Variants in RBFOX3 observed in about 807,000 individuals in gnomAD.
RBFOX3 encodes RNA binding protein fox-1 homolog 3.
RBFOX3 carries 17 observed loss-of-function variants against 48.7 expected under a neutral mutation model. The ratio of observed to expected loss-of-function variants is 0.35; its 90% CI spans 0.24 to 0.52. The LOEUF is 0.52. RBFOX3 is among the 20% of genes least tolerant of loss of function. The pLI is 0.94. For synonymous variants in RBFOX3, 212 were observed against 209.5 expected, an observed-to-expected ratio of 1.01 and a Z score of -0.10; for missense variants, 382 against 497.5, an observed-to-expected ratio of 0.77 and a Z score of 2.21.
chr17:79,216,433 G>T (rs890070992), intron 4 of RBFOX3, among the ~76,000 whole-genome samples: 7 of 152,154 alleles, frequency 4.6e-5, no homozygotes, highest in Non-Finnish European at 7.4e-5. Flanking sequence ...GAGATGGACT[G>T]GGGGGCAGGC....
At chr17:79,422,990 G>A (rs545380866) in intron 2 of RBFOX3, among the ~76,000 whole-genome samples, 2 of 152,258 alleles carry the variant, frequency 1.3e-5, no homozygotes, top group African/African-American at 2.4e-5. Flanking sequence ...GGGAGAAGGC[G>A]GCATCTACAC....
intron 2 of RBFOX3, among the ~76,000 whole-genome samples, chr17:79,351,487 C>G (rs993830637): frequency 4.6e-5 from 7 of 152,210 alleles, no homozygotes; most frequent in Non-Finnish European, 1.0e-4. Flanking sequence ...GCAGCCTCCA[C>G]CTCCCAGCTT....
chr17:79,557,884 G>C lies in RBFOX3; in HGVS notation c.-320+52942C>G, dbSNP rs1046634844. On this transcript the variant is annotated intron_variant, in intron 1 of 14. Coordinates refer to ENST00000693108, the MANE Select transcript of RBFOX3 (RefSeq NM_001350451.2). ...CGAGCAAAACCTGCCGAGGACGCAGGGGGTGGCGCTGCGGTTGTTTGCTGG... is the reference window on the plus strand; with the variant it reads ...CGAGCAAAACCTGCCGAGGACGCAGCGGGTGGCGCTGCGGTTGTTTGCTGG... 2.6e-5 allele frequency among the ~76,000 whole-genome samples: 4 copies of C among 152,356 alleles called. No homozygotes were observed. The South Asian group carries it at 8.3e-4, about 32-fold the overall frequency.
intron 2 of RBFOX3, among the ~76,000 whole-genome samples, chr17:79,450,359 G>T (rs1387341104): frequency 6.6e-6 from 1 of 152,110 alleles, no homozygotes; most frequent in Non-Finnish European, 1.5e-5. Context: ...AATAAAACGG[G>T]GAAAAAACAC....
chr17:79,649,748 T>G, the RBFOX3 span, among the ~76,000 whole-genome samples: 32 of 151,782 alleles, frequency 2.1e-4, no homozygotes, highest in South Asian at 6.5e-3. Context: ...TTTTAAGAGG[T>G]TTAATTGGCT....
At chr17:79,340,985 G>T (rs972158929) in intron 2 of RBFOX3, among the ~76,000 whole-genome samples, 1 of 152,246 alleles carries the variant, frequency 6.6e-6, no homozygotes, top group Non-Finnish European at 1.5e-5. Flanking sequence ...ACACCTGCAA[G>T]TCAAGCTCTG....
At chr17:79,108,202 G>C (rs2146720663) in intron 5 of RBFOX3, among the ~76,000 whole-genome samples, 1 of 152,340 alleles carries the variant, frequency 6.6e-6, no homozygotes, top group African/African-American at 2.4e-5. Context: ...GCCGAAGGTA[G>C]GAGGGTCTTG....
At chr17:79,146,089 G>T (rs1297387348) in intron 4 of RBFOX3, among the ~76,000 whole-genome samples, 1 of 152,112 alleles carries the variant, frequency 6.6e-6, no homozygotes, top group Non-Finnish European at 1.5e-5. Context: ...ACAGGAGGTG[G>T]AGCTCAGGTG....
intron 2 of RBFOX3, among the ~76,000 whole-genome samples, chr17:79,353,914 C>T (rs2084451645): frequency 6.6e-6 from 1 of 152,216 alleles, no homozygotes; most frequent in Non-Finnish European, 1.5e-5. Flanking sequence ...GCGTTACCCA[C>T]TTGACCATCG....
At position 79,090,603 on chromosome 17, in the gene RBFOX3, G is replaced by T. The variant is rs1285871143; in HGVS notation, c.*280C>A. ...CCCCTTCCCCTCCAACTCCCCCACT[G>T]CCTGAGACGGAGGGGCGTGTTCCCA... On this transcript the variant is annotated 3_prime_UTR_variant, in exon 15 of 15. Coordinates refer to ENST00000693108, the MANE Select transcript of RBFOX3 (RefSeq NM_001350451.2). 6.6e-6 allele frequency: 3 copies of T among 455,322 alleles called. No individual in the cohort carries two copies. The highest frequency in any genetic ancestry group is 7.9e-5 in the Admixed American group (2 of 25,442). 28.2% of individuals were successfully genotyped at this position (455,322 alleles called of 1,614,324 possible). A position where few individuals can be genotyped will look rare whatever the true frequency, so the allele number is the denominator to read the frequency against.
chr17:79,203,248 T>C (rs184742526), intron 4 of RBFOX3, among the ~76,000 whole-genome samples: 297 of 143,356 alleles, frequency 2.1e-3, no homozygotes, highest in African/African-American at 7.1e-3. Context: ...AGACCCTCAC[T>C]GGCAGAGGAT....
intron 3 of RBFOX3, among the ~76,000 whole-genome samples, chr17:79,250,862 C>G (rs1013078185): frequency 2.1e-5 from 3 of 144,360 alleles, no homozygotes; most frequent in Admixed American, 7.1e-5. Flanking sequence ...GAGTTTCGCT[C>G]TGCAGTACAG....
At chr17:79,531,616 C>T (rs2087789662) in intron 1 of RBFOX3, among the ~76,000 whole-genome samples, 1 of 152,196 alleles carries the variant, frequency 6.6e-6, no homozygotes, top group African/African-American at 2.4e-5. Flanking sequence ...TGATGGGCCC[C>T]TCTAAGGCCG....
intron 1 of RBFOX3, among the ~76,000 whole-genome samples, chr17:79,609,175 C>G (rs1341359181): frequency 4.6e-5 from 7 of 152,270 alleles, no homozygotes; most frequent in African/African-American, 1.7e-4. Context: ...CAGGTTCTGC[C>G]GCAATGTTTA....
intron 1 of RBFOX3, among the ~76,000 whole-genome samples, chr17:79,537,544 C>T (rs146429769): frequency 2.0e-5 from 3 of 152,190 alleles, no homozygotes; most frequent in Non-Finnish European, 2.9e-5. Flanking sequence ...GTCCTCACTC[C>T]TCCTGGGCCA....
chr17:79,256,952 A>AC (rs1396070793), intron 3 of RBFOX3, among the ~76,000 whole-genome samples: 1 of 111,188 alleles, frequency 9.0e-6, no homozygotes, highest in Non-Finnish European at 2.1e-5. Context: ...ACAAAACAAA[A>AC]AAAAAACAAA....
At chr17:79,356,373 T>TTTTTTTTTTTTTTTTTTTTTTTTTG (rs2085103819) in intron 2 of RBFOX3, among the ~76,000 whole-genome samples, 1 of 88,992 alleles carries the variant, frequency 1.1e-5, no homozygotes, top group Non-Finnish European at 2.2e-5. Context: ...TTTTTTTTTT[T>TTTTTTTTTTTTTTTTTTTTTTTTTG]TTTTTTTTTT....
At chr17:79,197,965 G>A (rs1471939110) in intron 4 of RBFOX3, among the ~76,000 whole-genome samples, 1 of 152,056 alleles carries the variant, frequency 6.6e-6, no homozygotes, top group Non-Finnish European at 1.5e-5. Context: ...AGGCAACCAA[G>A]ACAACATCTA....
Position 79,097,311 on chromosome 17 carries a change from G to T in RBFOX3, c.736C>A (p.Pro246Thr). The T allele has an allele frequency of 6.5e-7, 1 of 1,544,726 alleles. No individual in the cohort carries two copies. Among genetic ancestry groups the T allele is most frequent in the Non-Finnish European group, 8.7e-7 (1 of 1,143,536 alleles). The change falls in exon 11 of 15, where the codon CCC becomes ACC. Residue 246 changes from proline to threonine, a missense_variant. Pro to Thr is a conservative substitution (Grantham distance 38, BLOSUM62 -1). Around this residue, in one of 3 missense-constraint regions of RBFOX3, gnomAD observed 215 missense variants for 254.8 expected, o/e 0.84. Transcript: ENST00000693108. ...ACTCACGCTCCGTAAGTCGGGATGG[G>T]GGGTGGGGGTGGCGCAGCCCGAAAT... ...NTFRAAPPPP[P>T]IPTYGAALEQ...
Sources: allele counts gnomAD v4.1 joint callset (sites outside exome capture counted in the v4.1 genomes callset), GRCh38; gene constraint gnomAD v4.1.1; regional missense constraint gnomAD v4.1.1; transcripts MANE v1.5; gene names NCBI Gene and HGNC (gene_info 2026-07-23, HGNC 2026-07-21).